The following PRKD3 variants were observed in gnomAD, a reference collection of about 807,000 sequenced individuals.
PRKD3 encodes the protein serine/threonine-protein kinase D3.
PRKD3 carries 47 observed loss-of-function variants against 99.2 expected under a neutral mutation model. The ratio of observed to expected loss-of-function variants is 0.47; its 90% CI spans 0.38 to 0.60. The LOEUF (loss-of-function observed/expected upper bound fraction) is 0.60, where lower values mean the gene tolerates loss of function less well. Ranked by LOEUF, PRKD3 falls within the 20% of genes least tolerant of loss-of-function variation. PRKD3 has a pLI of 0.00. For missense variants in PRKD3, 1,019 were observed against 1,088.4 expected (o/e 0.94, Z 0.90); for synonymous variants, 392 against 355.4 (o/e 1.10, Z -1.16).
At chr2:37,292,331 T>C (rs1303822549) in intron 3 of PRKD3, among the ~76,000 whole-genome samples, 7 of 151,990 alleles carry the variant, frequency 4.6e-5, no homozygotes, top group Non-Finnish European at 1.0e-4. Context: ...TCAGTTTATT[T>C]TCCTATCCTG....
intron 2 of PRKD3, among the ~76,000 whole-genome samples, chr2:37,300,054 A>G (rs1457738622): frequency 6.6e-6 from 1 of 152,222 alleles, no homozygotes; most frequent in Non-Finnish European, 1.5e-5. Flanking sequence ...AAGATATCAA[A>G]AAGATATCCG....
At chr2:37,322,048 A>G (rs1231793471) in intron 1 of PRKD3, among the ~76,000 whole-genome samples, 1 of 132,440 alleles carries the variant, frequency 7.6e-6, no homozygotes, top group Non-Finnish European at 1.7e-5. Context: ...GTTCAACTTA[A>G]GTTTTGTGTA....
intron 12 of PRKD3, 93 bp downstream of exon 12, chr2:37,272,287 G>T: frequency 6.5e-7 from 1 of 1,539,228 alleles, no homozygotes; most frequent in East Asian, 2.4e-5. Context: ...TAGTACTTTG[G>T]GCGATGAACC....
rs3216659 is a variant in PRKD3, at chr2:37,311,190, CT to C, written c.288+5046del. Among the ~76,000 whole-genome samples the C allele has an allele frequency of 8.5e-5, 13 of 152,290 alleles. 1 individual carries two copies. The East Asian group carries it at 2.5e-3, about 29-fold the overall frequency. On this transcript the variant is annotated intron_variant, in intron 2 of 18. Coordinates refer to ENST00000234179, the MANE Select transcript of PRKD3 (RefSeq NM_005813.6). Reference sequence around the variant, plus strand: ...TAGCATGGCATTGTACCAGCAAAAGCTTATTTCTCCAGGTGAAGTACTACAG... The same window carrying C: ...TAGCATGGCATTGTACCAGCAAAAGCTATTTCTCCAGGTGAAGTACTACAG...
Position 37,256,628 on chromosome 2 carries a change from ATTTTTTTTTTT to A in PRKD3, c.2413+23_2413+33del, listed in dbSNP as rs56389006. On this transcript the variant is annotated intron_variant, in intron 17 of 18. Transcript: ENST00000234179. Reference sequence around the variant, plus strand: ...TTTAGGCTTAAAACACATAGCCAAAATTTTTTTTTTTTTTTTTTTTTTTTTTTTTTTACCTT... The same window carrying A: ...TTTAGGCTTAAAACACATAGCCAAAATTTTTTTTTTTTTTTTTTTTACCTT... 1,021 of 1,201,170 alleles carry A rather than the reference ATTTTTTTTTTT, an allele frequency of 8.5e-4. 2 individuals carry two copies. The highest frequency in any genetic ancestry group is 2.0e-3 in the East Asian group (64 of 31,814). 74.4% of individuals were successfully genotyped at this position (1,201,170 alleles called of 1,614,324 possible).
chr2:37,317,621 A>G (rs1671721340), intron 1 of PRKD3, among the ~76,000 whole-genome samples: 1 of 152,184 alleles, frequency 6.6e-6, no homozygotes, highest in African/African-American at 2.4e-5. Context: ...TCTTTTTTTA[A>G]TATTACAATA....
chr2:37,309,597 C>T (rs964673752), intron 2 of PRKD3, among the ~76,000 whole-genome samples: 4 of 152,090 alleles, frequency 2.6e-5, no homozygotes, highest in African/African-American at 9.7e-5. Context: ...CACCTGTAAT[C>T]CCAGCACTTT....
chr2:37,277,847 A>G lies in PRKD3; in HGVS notation c.1296+19T>C. ...TAACAAAGTCTTACTAGCATATTCA[A>G]ATGTATTTGATTACTGACCAGGTTA... On this transcript the variant is annotated intron_variant, in intron 9 of 18. Coordinates refer to ENST00000234179, the MANE Select transcript of PRKD3 (RefSeq NM_005813.6). 1.9e-6 allele frequency: 3 copies of G among 1,607,134 alleles called. No homozygotes were observed. The highest frequency in any genetic ancestry group is 2.2e-5 in the East Asian group (1 of 44,748).
chr2:37,295,325 T>C (rs545385127), intron 2 of PRKD3, among the ~76,000 whole-genome samples: 12 of 152,282 alleles, frequency 7.9e-5, no homozygotes, highest in Admixed American at 2.0e-4. Flanking sequence ...TAAAAAATGT[T>C]AACTGGGACA....
At chr2:37,317,823 C>T (rs1671729136) in intron 1 of PRKD3, 1 of 152,040 alleles carries the variant, frequency 6.6e-6, no homozygotes, top group African/African-American at 2.4e-5. Flanking sequence ...CTAACTAGGC[C>T]CAACAATGCT....
At chr2:37,293,814 T>C (rs906857717) in intron 2 of PRKD3, among the ~76,000 whole-genome samples, 4 of 152,234 alleles carry the variant, frequency 2.6e-5, no homozygotes, top group African/African-American at 7.2e-5. Context: ...GCTGCTGATA[T>C]CGTTTACCTA....
intron 2 of PRKD3, among the ~76,000 whole-genome samples, chr2:37,308,006 G>A (rs114519370): frequency 7.2e-5 from 11 of 152,104 alleles, no homozygotes; most frequent in African/African-American, 9.7e-5. Context: ...CCCATACTGC[G>A]AACGCCAATT....
chr2:37,318,389 A>G (rs1245054208), intron 1 of PRKD3, among the ~76,000 whole-genome samples: 3 of 152,214 alleles, frequency 2.0e-5, no homozygotes, highest in Non-Finnish European at 4.4e-5. Context: ...TCATTTTTGT[A>G]GACAAGAAAA....
At chr2:37,274,081 C>T (rs1669438988) in intron 11 of PRKD3, among the ~76,000 whole-genome samples, 1 of 152,148 alleles carries the variant, frequency 6.6e-6, no homozygotes. Context: ...TGTTCTGTAT[C>T]TTACAGGTTC....
chr2:37,264,889 T>A (rs1668729012), intron 14 of PRKD3, among the ~76,000 whole-genome samples: 1 of 152,194 alleles, frequency 6.6e-6, no homozygotes, highest in African/African-American at 2.4e-5. Flanking sequence ...ACAAAGCCTG[T>A]CACCAAGAGC....
At chr2:37,285,377 G>C (rs989378304) in intron 6 of PRKD3, among the ~76,000 whole-genome samples, 4 of 152,086 alleles carry the variant, frequency 2.6e-5, no homozygotes, top group Non-Finnish European at 5.9e-5. Flanking sequence ...GAGATGTTTT[G>C]AGAATACTAT....
intron 2 of PRKD3, among the ~76,000 whole-genome samples, chr2:37,315,589 G>A (rs1371431676): frequency 1.3e-5 from 2 of 152,136 alleles, no homozygotes; most frequent in Non-Finnish European, 2.9e-5. Flanking sequence ...GTCCCAGGGG[G>A]CCTTGTGCCC....
intron 1 of PRKD3, among the ~76,000 whole-genome samples, chr2:37,320,575 G>A (rs1195661312): frequency 1.3e-5 from 2 of 151,852 alleles, no homozygotes; most frequent in African/African-American, 4.8e-5. Context: ...GGGATTACAG[G>A]TGCACATCAC....
chr2:37,283,195 G>A (rs1053949035), intron 6 of PRKD3, among the ~76,000 whole-genome samples: 1 of 152,162 alleles, frequency 6.6e-6, no homozygotes, highest in Non-Finnish European at 1.5e-5. Flanking sequence ...TAACACAGTG[G>A]CTCTCAAACT....
Sources: allele counts gnomAD v4.1 joint callset (sites outside exome capture counted in the v4.1 genomes callset), GRCh38; gene constraint gnomAD v4.1.1; transcripts MANE v1.5; gene names NCBI Gene and HGNC (gene_info 2026-07-23, HGNC 2026-07-21).